Variants in PTPRG observed in about 807,000 individuals in gnomAD.
The protein encoded by PTPRG is protein tyrosine phosphatase receptor type G, also known as receptor-type tyrosine-protein phosphatase gamma.
Under a neutral mutation model 165.3 loss-of-function variants are expected in PTPRG, and 102 were observed. The observed-to-expected ratio is 0.62, with a 90% CI of 0.53 to 0.73. The LOEUF (loss-of-function observed/expected upper bound fraction) is 0.73. Among genes scored for constraint, PTPRG ranks in the 30% least tolerant of loss-of-function variants. The pLI, the probability that PTPRG is intolerant of heterozygous loss-of-function variation, is 0.00. For missense variants in PTPRG, 1,866 were observed against 1,861.4 expected (o/e 1.00, Z -0.05); for synonymous variants, 675 against 669.5 (o/e 1.01, Z -0.13).
chr3:62,221,681 C>T (rs1700654778), intron 13 of PTPRG, among the ~76,000 whole-genome samples: 1 of 152,154 alleles, frequency 6.6e-6, no homozygotes, highest in Admixed American at 6.5e-5. Flanking sequence ...CAGATCAAAA[C>T]CTTCTGGATC....
chr3:61,931,403 C>A (rs529970728), intron 2 of PTPRG, among the ~76,000 whole-genome samples: 41 of 152,344 alleles, frequency 2.7e-4, no homozygotes, highest in African/African-American at 9.9e-4. Context: ...CACAGACACA[C>A]TGCTCTTCTG....
intron 8 of PTPRG, among the ~76,000 whole-genome samples, chr3:62,182,050 A>T (rs749700856): frequency 7.9e-5 from 12 of 152,342 alleles, no homozygotes; most frequent in Middle Eastern, 6.8e-3. Flanking sequence ...AAAGTACTCT[A>T]GAGGAAAGAA....
intron 5 of PTPRG, among the ~76,000 whole-genome samples, chr3:62,091,477 C>T (rs890811401): frequency 5.3e-5 from 8 of 152,128 alleles, no homozygotes; most frequent in Non-Finnish European, 8.8e-5. Flanking sequence ...TGATATGGAC[C>T]CAGATGCCTC....
At chr3:61,822,772 C>T (rs12634523) in intron 2 of PTPRG, among the ~76,000 whole-genome samples, 37,560 of 152,150 alleles carry the variant, frequency 0.25, 4,794 homozygotes, top group East Asian at 0.29. Context: ...CTTGGTGTAG[C>T]AACCTTTACC....
At chr3:62,039,951 A>G (rs2107800083) in intron 4 of PTPRG, among the ~76,000 whole-genome samples, 1 of 152,350 alleles carries the variant, frequency 6.6e-6, no homozygotes, top group East Asian at 1.9e-4. Flanking sequence ...ACTTAGTGAG[A>G]CATTCTTGAC....
At chr3:62,020,836 GT>G (rs1323083415) in intron 4 of PTPRG, among the ~76,000 whole-genome samples, 2 of 101,414 alleles carry the variant, frequency 2.0e-5, no homozygotes, top group African/African-American at 9.7e-5. Flanking sequence ...CCATGCACAG[GT>G]TTTTTTTGTT....
chr3:61,632,459 C>G (rs1056380152), intron 1 of PTPRG, among the ~76,000 whole-genome samples: 13 of 152,190 alleles, frequency 8.5e-5, no homozygotes. Context: ...AAAGAAATCA[C>G]TTCTGTTCTA....
chr3:62,115,939 T>C (rs1050432783), intron 5 of PTPRG, among the ~76,000 whole-genome samples: 1 of 152,240 alleles, frequency 6.6e-6, no homozygotes. Flanking sequence ...TTTCAGTATA[T>C]TTTAAGCAAC....
At chr3:61,569,904 T>C (rs1160521758) in intron 1 of PTPRG, among the ~76,000 whole-genome samples, 1 of 152,236 alleles carries the variant, frequency 6.6e-6, no homozygotes, top group African/African-American at 2.4e-5. Flanking sequence ...AGGAGGTCTC[T>C]GCTTTCTCAG....
chr3:61,588,209 A>C (rs1239082947), intron 1 of PTPRG, among the ~76,000 whole-genome samples: 1 of 152,056 alleles, frequency 6.6e-6, no homozygotes, highest in African/African-American at 2.4e-5. Context: ...CCTGTTTCTG[A>C]AAGGAGGCAT....
At chr3:61,704,581 C>A (rs2031151676) in intron 1 of PTPRG, among the ~76,000 whole-genome samples, 1 of 150,940 alleles carries the variant, frequency 6.6e-6, no homozygotes, top group Non-Finnish European at 1.5e-5. Context: ...TCACCCCCCA[C>A]CCACCCCACC....
At chr3:61,949,732 T>G (rs936051384) in intron 2 of PTPRG, among the ~76,000 whole-genome samples, 11 of 68,008 alleles carry the variant, frequency 1.6e-4, no homozygotes, top group African/African-American at 8.3e-4. Context: ...ATTCTTTGTT[T>G]TTTTTTTTTT....
chr3:61,922,985 C>T (rs535793109), intron 2 of PTPRG, among the ~76,000 whole-genome samples: 1 of 152,324 alleles, frequency 6.6e-6, no homozygotes, highest in Admixed American at 6.5e-5. Flanking sequence ...GCTCTATTCC[C>T]TTATGCCCCA....
chr3:61,910,180 T>C (rs527381350), intron 2 of PTPRG, among the ~76,000 whole-genome samples: 1 of 152,374 alleles, frequency 6.6e-6, no homozygotes, highest in South Asian at 2.1e-4. Context: ...TTTTGAATGC[T>C]GTGTCCTATT....
chr3:61,690,680 C>T (rs2030141051), intron 1 of PTPRG, among the ~76,000 whole-genome samples: 1 of 152,168 alleles, frequency 6.6e-6, no homozygotes, highest in African/African-American at 2.4e-5. Context: ...GATTCCACAT[C>T]CTAAGAGAAA....
At chr3:61,922,184 A>G (rs75366951) in intron 2 of PTPRG, among the ~76,000 whole-genome samples, 2,324 of 152,366 alleles carry the variant, frequency 0.015, 74 homozygotes, top group African/African-American at 0.053. Flanking sequence ...AGCCAAAAGT[A>G]CTAAAATCAC....
intron 2 of PTPRG, among the ~76,000 whole-genome samples, chr3:61,973,490 C>T (rs779614815): frequency 5.3e-5 from 8 of 152,196 alleles, no homozygotes; most frequent in Middle Eastern, 6.8e-3. Flanking sequence ...TCCTATTAAT[C>T]GTATTTTTTA....
At position 62,216,015 on chromosome 3, in the gene PTPRG, T is replaced by C. The variant is rs370510868; in HGVS notation, c.2156-2836T>C. On this transcript the variant is annotated intron_variant, in intron 12 of 29. Transcript: ENST00000474889. ...GGAGGATCACTTGAGGTCAGGAGTT[T>C]GAGGGCAGCCTGAGCAACATGGTGA... Among the ~76,000 whole-genome samples the C allele has an allele frequency of 2.5e-3, 386 of 152,142 alleles. 2 individuals carry two copies. Among genetic ancestry groups the C allele is most frequent in the African/African-American group, 8.9e-3 (370 of 41,514 alleles).
intron 1 of PTPRG, among the ~76,000 whole-genome samples, chr3:61,656,350 T>G (rs1702509522): frequency 6.6e-6 from 1 of 152,186 alleles, no homozygotes; most frequent in African/African-American, 2.4e-5. Flanking sequence ...TCTCAGGGAT[T>G]AGCAAATTTA....
Sources: gnomAD v4.1 joint callset for allele counts (sites outside exome capture counted in the v4.1 genomes callset) on GRCh38, gnomAD v4.1.1 for gene constraint, MANE v1.5 for transcripts, NCBI Gene and HGNC (gene_info 2026-07-23, HGNC 2026-07-21) for gene names.